SYNE2: variants seen among roughly 807,000 people sequenced by gnomAD.
SYNE2 encodes the protein spectrin repeat containing nuclear envelope protein 2.
In SYNE2, 431 loss-of-function variants were observed where a neutral mutation model predicts 856.3. That is an observed-to-expected ratio of 0.50 (90% CI 0.47 to 0.55). The LOEUF (loss-of-function observed/expected upper bound fraction) is 0.55, where lower values mean the gene tolerates loss of function less well. Among genes scored for constraint, SYNE2 ranks in the 20% least tolerant of loss-of-function variants. The pLI is 0.00. For missense variants in SYNE2, 8,129 were observed against 8,023.2 expected, an observed-to-expected ratio of 1.01 and a Z score of -0.50; for synonymous variants, 2,923 against 2,872.3, an observed-to-expected ratio of 1.02 and a Z score of -0.56.
chr14:64,216,184 C>T (rs2140285530), intron 107 of SYNE2, 64 bp from the exon 108 acceptor site: 2 of 1,609,974 alleles, frequency 1.2e-6, no homozygotes, highest in South Asian at 1.1e-5. Context: ...TAACCTGATG[C>T]CATGTCACCC....
chr14:64,041,861 AAG>A (rs1327222595), intron 45 of SYNE2, among the ~76,000 whole-genome samples: 4 of 151,326 alleles, frequency 2.6e-5, no homozygotes, highest in Non-Finnish European at 3.0e-5. Flanking sequence ...AAAAAAAAAA[AAG>A]AAAAAAGAAA....
intron 8 of SYNE2, among the ~76,000 whole-genome samples, chr14:63,959,131 G>C (rs971767506): frequency 9.9e-5 from 15 of 152,136 alleles, no homozygotes; most frequent in African/African-American, 3.4e-4. Context: ...ACCAAGATCT[G>C]GTGTGGTAGC....
At chr14:64,118,273 C>T (rs1187325445) in intron 66 of SYNE2, among the ~76,000 whole-genome samples, 1 of 152,156 alleles carries the variant, frequency 6.6e-6, no homozygotes, top group Non-Finnish European at 1.5e-5. Flanking sequence ...ACCGAGCAGG[C>T]TGCTGAGCCC....
chr14:63,976,316 G>A (rs1014197851), intron 11 of SYNE2, among the ~76,000 whole-genome samples: 8 of 152,076 alleles, frequency 5.3e-5, no homozygotes, highest in Non-Finnish European at 1.2e-4. Context: ...TTATCAAAAC[G>A]TTTGTTTTTT....
At chr14:64,207,117 G>A (rs977712232) in intron 100 of SYNE2, among the ~76,000 whole-genome samples, 49 of 152,100 alleles carry the variant, frequency 3.2e-4, no homozygotes, top group African/African-American at 1.1e-3. Context: ...GTGGCCAAGT[G>A]GAAAACACAT....
At chr14:63,955,153 G>A (rs1485726426) in intron 8 of SYNE2, among the ~76,000 whole-genome samples, 1 of 152,104 alleles carries the variant, frequency 6.6e-6, no homozygotes, top group Non-Finnish European at 1.5e-5. Flanking sequence ...AATAATTTGA[G>A]CCTGTCTTGA....
Position 64,043,253 on chromosome 14 carries a change from C to T in SYNE2, c.7222-4747C>T, listed in dbSNP as rs575480915. ...AAGCAACAAAGCATTCAAGAGGTGA[C>T]TTGGGTGCTGTTAAAGGCATTCAGT... is the stretch of plus-strand genomic sequence containing the variant. On this transcript the variant is annotated intron_variant, in intron 45 of 115. Transcript: ENST00000555002. Among the ~76,000 whole-genome samples, 3 of 152,254 alleles carry T rather than the reference C, an allele frequency of 2.0e-5. No homozygotes were observed. The East Asian group carries it at 5.8e-4, about 29-fold the overall frequency.
At chr14:64,041,927 G>A (rs889747605) in intron 45 of SYNE2, among the ~76,000 whole-genome samples, 7 of 151,826 alleles carry the variant, frequency 4.6e-5, no homozygotes, top group African/African-American at 1.5e-4. Flanking sequence ...GTAATTCAAT[G>A]TGGAGGATAA....
intron 99 of SYNE2, among the ~76,000 whole-genome samples, chr14:64,195,084 A>G (rs1361664499): frequency 2.6e-5 from 4 of 152,112 alleles, no homozygotes; most frequent in African/African-American, 9.7e-5. Flanking sequence ...CATCTTGATG[A>G]ATTCTTTTAG....
In SYNE2 at chr14:64,225,704, C is replaced by T; in HGVS notation, c.*178C>T. 1.4e-6 allele frequency: 1 copy of T among 712,582 alleles called. No homozygotes were observed. Among genetic ancestry groups the T allele is most frequent in the Non-Finnish European group, 2.5e-6 (1 of 407,880 alleles). 44.1% of individuals were successfully genotyped at this position (712,582 alleles called of 1,614,324 possible). On this transcript the variant is annotated 3_prime_UTR_variant, in exon 116 of 116. Coordinates refer to ENST00000555002, the MANE Select transcript of SYNE2 (RefSeq NM_182914.3). ...CCCAGGGCAGCTTTCAGATTGTGTT[C>T]CTCCCCAGGAGCAGGGAACCTGTGT...
chr14:63,895,474 C>T (rs535971564), intron 1 of SYNE2, among the ~76,000 whole-genome samples: 71 of 150,850 alleles, frequency 4.7e-4, no homozygotes, highest in African/African-American at 1.6e-3. Flanking sequence ...CATTTGTGGC[C>T]CAGGAAGGGT....
chr14:63,770,434 T>G (rs1246977432), intron 1 of SYNE2, among the ~76,000 whole-genome samples: 1 of 152,174 alleles, frequency 6.6e-6, no homozygotes, highest in Non-Finnish European at 1.5e-5. Flanking sequence ...TTGGAGAATT[T>G]CTTGTAAATT....
In SYNE2 at chr14:63,942,035, ACTT is replaced by A. The variant is rs770891603; in HGVS notation, c.316-15_316-13del. 8.1e-6 allele frequency: 13 copies of A among 1,600,990 alleles called. No homozygotes were observed. Among genetic ancestry groups the A allele is most frequent in the Non-Finnish European group, 1.0e-5 (12 of 1,168,922 alleles). ...GGGATATTTCCTCCTTTTAACCTGC[ACTT>A]TTTGTTTTCCAGATTAAGCTAATAA... On this transcript the variant is annotated splice_polypyrimidine_tract_variant and intron_variant, in intron 5 of 115. Coordinates refer to ENST00000555002, the MANE Select transcript of SYNE2 (RefSeq NM_182914.3).
chr14:63,858,734 C>T (rs972074429), intron 1 of SYNE2, among the ~76,000 whole-genome samples: 23 of 152,042 alleles, frequency 1.5e-4, no homozygotes, highest in South Asian at 4.2e-4. Flanking sequence ...GTTACGATGG[C>T]GATTAAATTT....
chr14:63,882,559 TAAAAA>T (rs11311787), intron 1 of SYNE2, among the ~76,000 whole-genome samples: 1 of 143,390 alleles, frequency 7.0e-6, no homozygotes, highest in Non-Finnish European at 1.5e-5. Context: ...CTACACAAAG[TAAAAA>T]AAAAAAAAAA....
intron 58 of SYNE2, among the ~76,000 whole-genome samples, chr14:64,089,369 G>GAAAAAAAAAAAAA (rs57358817): frequency 5.9e-5 from 3 of 50,462 alleles, no homozygotes; most frequent in African/African-American, 8.0e-5. Context: ...TCCGTCTCAG[G>GAAAAAAAAAAAAA]AAAAAAAAAA....
intron 1 of SYNE2, among the ~76,000 whole-genome samples, chr14:63,893,245 G>GAGA (rs1432547222): frequency 6.6e-6 from 1 of 152,160 alleles, no homozygotes; most frequent in African/African-American, 2.4e-5. Context: ...TTCCTACACG[G>GAGA]AGAAGCTGAA....
chr14:64,023,988 C>A (rs1347202273), intron 38 of SYNE2: 5 of 411,692 alleles, frequency 1.2e-5, no homozygotes, highest in Non-Finnish European at 1.8e-5. Flanking sequence ...TGGACGTAGC[C>A]AGGATAGGAA....
intron 1 of SYNE2, among the ~76,000 whole-genome samples, chr14:63,803,660 G>C (rs1474863962): frequency 1.3e-5 from 2 of 152,226 alleles, no homozygotes; most frequent in Non-Finnish European, 2.9e-5. Flanking sequence ...ACACCTTCCT[G>C]CAAGCTGAGG....
Sources: allele counts gnomAD v4.1 joint callset (sites outside exome capture counted in the v4.1 genomes callset), GRCh38; gene constraint gnomAD v4.1.1; transcripts MANE v1.5; gene names NCBI Gene and HGNC (gene_info 2026-07-23, HGNC 2026-07-21).